NOL4: variants seen among roughly 807,000 people sequenced by gnomAD.
The protein encoded by NOL4 is cancer/testis antigen 125.
A neutral mutation model predicts 75.9 loss-of-function variants in NOL4; 17 were observed. The observed-to-expected ratio is 0.22, with a 90% CI of 0.15 to 0.34. The LOEUF (loss-of-function observed/expected upper bound fraction) is 0.34. Ranked by LOEUF, NOL4 falls within the 10% of genes least tolerant of loss-of-function variation. The probability of loss-of-function intolerance (pLI) is 1.00; values close to 1 mark genes in which losing one functional copy is unlikely to be tolerated. For synonymous variants in NOL4, 292 were observed against 289.9 expected, an observed-to-expected ratio of 1.01 and a Z score of -0.07; for missense variants, 614 against 793.5, an observed-to-expected ratio of 0.77 and a Z score of 2.72.
chr18:34,086,693 A>G (rs1032707261), intron 5 of NOL4, among the ~76,000 whole-genome samples: 5 of 152,138 alleles, frequency 3.3e-5, no homozygotes, highest in African/African-American at 1.2e-4. Flanking sequence ...TATTTTTACT[A>G]AAATTTTATT....
intron 2 of NOL4, 135 bp downstream of exon 2, chr18:34,129,736 A>G: frequency 1.4e-6 from 1 of 704,090 alleles, no homozygotes; most frequent in South Asian, 3.4e-5. Flanking sequence ...TATAGTTTAA[A>G]TGTTGGGCAT....
At chr18:34,016,911 G>A (rs1349769960) in intron 6 of NOL4, among the ~76,000 whole-genome samples, 2 of 152,008 alleles carry the variant, frequency 1.3e-5, no homozygotes, top group Admixed American at 1.3e-4. Flanking sequence ...TTAATTGGTG[G>A]CAACTAGTTT....
chr18:34,139,870 T>A (rs2074889201), intron 1 of NOL4, among the ~76,000 whole-genome samples: 1 of 152,222 alleles, frequency 6.6e-6, no homozygotes, highest in Non-Finnish European at 1.5e-5. Context: ...GAGATTCTGG[T>A]ATATTGTGTC....
intron 4 of NOL4, among the ~76,000 whole-genome samples, chr18:34,096,898 G>A (rs1325358999): frequency 6.6e-6 from 1 of 151,998 alleles, no homozygotes; most frequent in African/African-American, 2.4e-5. Flanking sequence ...TTGAAATGGA[G>A]ACCCCTAATC....
At position 33,932,678 on chromosome 18, in the gene NOL4, T is replaced by C. The variant is rs188764995; in HGVS notation, c.1542+10387A>G. On this transcript the variant is annotated intron_variant, in intron 9 of 10. Transcript: ENST00000261592. ...TATTTCCTAATTATAAAAAATCCTA[T>C]GTGATTGAGAAGAGTATTAAAAATG... Among the ~76,000 whole-genome samples, 370 of 152,236 alleles carry C rather than the reference T, an allele frequency of 2.4e-3. 4 individuals are homozygous for C. The highest frequency in any genetic ancestry group is 8.2e-3 in the African/African-American group (341 of 41,560).
At chr18:34,165,778 ATTC>A (rs1481147305) in intron 1 of NOL4, among the ~76,000 whole-genome samples, 1 of 152,010 alleles carries the variant, frequency 6.6e-6, no homozygotes, top group Non-Finnish European at 1.5e-5. Flanking sequence ...ACCAGAGGTG[ATTC>A]TTTTTTTCTT....
chr18:34,038,991 TA>T (rs1157291884), intron 5 of NOL4, among the ~76,000 whole-genome samples: 1 of 151,948 alleles, frequency 6.6e-6, no homozygotes, highest in African/African-American at 2.4e-5. Context: ...TCTATGCATG[TA>T]AAAAATACAA....
chr18:34,217,298 T>A (rs1469265320), intron 1 of NOL4, among the ~76,000 whole-genome samples: 2 of 152,160 alleles, frequency 1.3e-5, no homozygotes, highest in African/African-American at 4.8e-5. Flanking sequence ...TTATTTATTT[T>A]TTTTGAGATG....
intron 6 of NOL4, among the ~76,000 whole-genome samples, chr18:33,963,106 G>C (rs963340263): frequency 6.6e-6 from 1 of 152,112 alleles, no homozygotes; most frequent in Non-Finnish European, 1.5e-5. Context: ...AAAGATTCCA[G>C]CTTCTACCCT....
At chr18:34,216,366 G>C (rs1426725365) in intron 1 of NOL4, among the ~76,000 whole-genome samples, 1 of 151,932 alleles carries the variant, frequency 6.6e-6, no homozygotes, top group African/African-American at 2.4e-5. Context: ...GTCCTTCAAG[G>C]ATAAAGGTAA....
chr18:34,003,261 G>T (rs1404834021), intron 6 of NOL4, among the ~76,000 whole-genome samples: 1 of 151,872 alleles, frequency 6.6e-6, no homozygotes, highest in South Asian at 2.1e-4. Context: ...CTTTATTATT[G>T]TATGTGTTTT....
At chr18:33,914,923 G>C (rs1344840500) in intron 9 of NOL4, among the ~76,000 whole-genome samples, 1 of 152,064 alleles carries the variant, frequency 6.6e-6, no homozygotes, top group Non-Finnish European at 1.5e-5. Flanking sequence ...ATATCAATTT[G>C]TGAGTCATCA....
chr18:33,857,417 C>A lies in NOL4; in HGVS notation c.1724-4382G>T, dbSNP rs1369371504. 6.6e-5 allele frequency among the ~76,000 whole-genome samples: 10 copies of A among 151,956 alleles called. No individual in the cohort carries two copies. In the East Asian group the frequency reaches 1.9e-3, roughly 29 times the overall value. On this transcript the variant is annotated intron_variant, in intron 10 of 10. Coordinates refer to ENST00000261592, the MANE Select transcript of NOL4 (RefSeq NM_003787.5). ...ATTGGCCATCATCAAAATAACTTTACCACAGCATAAGCTTTGCATATAAGT... is the reference window on the plus strand; with the variant it reads ...ATTGGCCATCATCAAAATAACTTTAACACAGCATAAGCTTTGCATATAAGT...
At chr18:33,891,403 G>A (rs890795297) in intron 9 of NOL4, among the ~76,000 whole-genome samples, 1 of 152,080 alleles carries the variant, frequency 6.6e-6, no homozygotes, top group Non-Finnish European at 1.5e-5. Flanking sequence ...AAAGCATTAT[G>A]AAAACTACCA....
intron 2 of NOL4, among the ~76,000 whole-genome samples, chr18:34,114,173 C>T (rs1454666331): frequency 6.6e-6 from 1 of 152,148 alleles, no homozygotes; most frequent in Non-Finnish European, 1.5e-5. Flanking sequence ...TGTGAATATT[C>T]TGCTTCTAGA....
intron 5 of NOL4, 43 bp downstream of exon 5, chr18:34,093,422 T>C (rs2145551892): frequency 6.6e-7 from 1 of 1,518,300 alleles, no homozygotes; most frequent in East Asian, 2.4e-5. Flanking sequence ...TGACTCATTT[T>C]TTTGCTGTTG....
chr18:34,202,348 C>A (rs1013218652), intron 1 of NOL4, among the ~76,000 whole-genome samples: 3 of 151,942 alleles, frequency 2.0e-5, no homozygotes, highest in Admixed American at 2.0e-4. Context: ...AATTGCACAT[C>A]TACATGATTT....
intron 5 of NOL4, among the ~76,000 whole-genome samples, chr18:34,044,235 T>C (rs2076263684): frequency 6.6e-6 from 1 of 152,116 alleles, no homozygotes; most frequent in African/African-American, 2.4e-5. Flanking sequence ...ATTATAATTA[T>C]GATCATTTCA....
At position 34,005,877 on chromosome 18, in the gene NOL4, C is replaced by T. The variant is rs542708088; in HGVS notation, c.1056+13441G>A. 4.6e-5 allele frequency among the ~76,000 whole-genome samples: 7 copies of T among 152,154 alleles called. No individual in the cohort carries two copies. The East Asian group carries it at 1.4e-3, about 30-fold the overall frequency. ...TATTTTCTCCCAGATAACCTTGCTG[C>T]CTGCTGCTTTTGTGACTATTCTCTT... On this transcript the variant is annotated intron_variant, in intron 6 of 10. Coordinates refer to ENST00000261592, the MANE Select transcript of NOL4 (RefSeq NM_003787.5).
Sources: gnomAD v4.1 joint callset for allele counts (sites outside exome capture counted in the v4.1 genomes callset) on GRCh38, gnomAD v4.1.1 for gene constraint, MANE v1.5 for transcripts, NCBI Gene and HGNC (gene_info 2026-07-23, HGNC 2026-07-21) for gene names.